Variants in PLXNA4 observed in about 807,000 individuals in gnomAD.
PLXNA4 encodes plexin-A4.
Under a neutral mutation model 191.8 loss-of-function variants are expected in PLXNA4, and 44 were observed. The ratio of observed to expected loss-of-function variants is 0.23; its 90% confidence interval spans 0.18 to 0.29. The LOEUF is 0.29. Ranked by LOEUF, PLXNA4 falls within the 10% of genes least tolerant of loss-of-function variation. The pLI is 1.00. For synonymous variants in PLXNA4, 1,082 were observed against 1,009.5 expected (o/e 1.07, Z -1.36); for missense variants, 1,800 against 2,488.8 (o/e 0.72, Z 5.89).
chr7:132,565,066 A>T (rs1801656607), intron 1 of PLXNA4, among the ~76,000 whole-genome samples: 1 of 152,182 alleles, frequency 6.6e-6, no homozygotes, highest in African/African-American at 2.4e-5. Flanking sequence ...GCAAGGTGTG[A>T]TGTGAGGCCT....
chr7:132,588,059 T>G (rs1358198832), intron 2 of PLXNA4, among the ~76,000 whole-genome samples: 1 of 151,886 alleles, frequency 6.6e-6, no homozygotes, highest in Non-Finnish European at 1.5e-5. Context: ...CTCTTCCTAC[T>G]CCCTTAACCC....
chr7:132,423,736 A>T (rs148360399), intron 3 of PLXNA4, among the ~76,000 whole-genome samples: 1,556 of 152,296 alleles, frequency 0.01, 22 homozygotes, highest in African/African-American at 0.036. Flanking sequence ...AAATGATCCG[A>T]TAACAACAGA....
chr7:132,587,834 T>C (rs1284242173), intron 2 of PLXNA4, among the ~76,000 whole-genome samples: 1 of 151,894 alleles, frequency 6.6e-6, no homozygotes, highest in Non-Finnish European at 1.5e-5. Flanking sequence ...TGCTGGTCCA[T>C]ATGAATTCAT....
intron 8 of PLXNA4, among the ~76,000 whole-genome samples, chr7:132,225,158 A>AT (rs1798274972): frequency 6.6e-6 from 1 of 152,216 alleles, no homozygotes; most frequent in East Asian, 1.9e-4. Context: ...AAGAAAAAAA[A>AT]GGCTGGCCCA....
chr7:132,240,501 G>A (rs1176463916), intron 5 of PLXNA4, among the ~76,000 whole-genome samples: 1 of 152,220 alleles, frequency 6.6e-6, no homozygotes, highest in African/African-American at 2.4e-5. Flanking sequence ...TGCACTCACA[G>A]CCAGCTAATG....
chr7:132,563,323 T>C (rs1163890042), intron 1 of PLXNA4, among the ~76,000 whole-genome samples: 362 of 29,968 alleles, frequency 0.012, no homozygotes, highest in Admixed American at 0.014. Context: ...TCTTCCTCCT[T>C]CTCCTCCTCC....
chr7:132,456,761 C>T (rs929621980), intron 3 of PLXNA4, among the ~76,000 whole-genome samples: 1 of 152,110 alleles, frequency 6.6e-6, no homozygotes, highest in Non-Finnish European at 1.5e-5. Flanking sequence ...AGGCTGAGGG[C>T]AGGGCTCCCT....
At chr7:132,478,003 TA>T (rs1297642044) in intron 3 of PLXNA4, among the ~76,000 whole-genome samples, 1 of 152,214 alleles carries the variant, frequency 6.6e-6, no homozygotes, top group East Asian at 1.9e-4. Context: ...CAAAAAGAGA[TA>T]AAGAAGCCCA....
intron 1 of PLXNA4, among the ~76,000 whole-genome samples, chr7:132,521,178 GA>G (rs1456624869): frequency 7.5e-6 from 1 of 132,896 alleles, no homozygotes; most frequent in African/African-American, 2.8e-5. Context: ...TTTGCTCCTT[GA>G]AAAAAAAAAA....
chr7:132,638,996 C>G (rs1038133748), intron 2 of PLXNA4, among the ~76,000 whole-genome samples: 1 of 152,188 alleles, frequency 6.6e-6, no homozygotes, highest in African/African-American at 2.4e-5. Flanking sequence ...TCCAGCACTT[C>G]CCAGTTCCAG....
Position 132,227,557 on chromosome 7 carries a change from G to A in PLXNA4, c.1776C>T (p.Asn592=), listed in dbSNP as rs758724455. The change falls in exon 7 of 32, where the codon AAC becomes AAT. Residue 592 remains asparagine (N), a synonymous_variant. Coordinates refer to ENST00000321063, the MANE Select transcript of PLXNA4 (RefSeq NM_020911.2). ...YNVPELSAGV[N]CTFEDLSEMD... ...TCTCTGACAGGTCCTCAAAGGTGCA[G>A]TTGACGCCAGCTGACAGCTCCGGGA... is the stretch of plus-strand genomic sequence containing the variant. 8 of 1,614,084 alleles carry A rather than the reference G, an allele frequency of 5.0e-6. No homozygotes were observed. Among genetic ancestry groups the A allele is most frequent in the African/African-American group, 1.3e-5 (1 of 74,932 alleles).
intron 1 of PLXNA4, among the ~76,000 whole-genome samples, chr7:132,567,292 TC>T (rs1172897075): frequency 1.5e-5 from 2 of 134,282 alleles, no homozygotes; most frequent in South Asian, 2.8e-4. Context: ...CAGCTTGGTC[TC>T]CCCCCCACCC....
At chr7:132,441,867 G>A (rs1183749240) in intron 3 of PLXNA4, among the ~76,000 whole-genome samples, 1 of 152,204 alleles carries the variant, frequency 6.6e-6, no homozygotes, top group East Asian at 1.9e-4. Context: ...GGTAGACTCA[G>A]CTTAATGAGG....
chr7:132,265,139 G>A (rs1379125490), intron 4 of PLXNA4, among the ~76,000 whole-genome samples: 2 of 152,170 alleles, frequency 1.3e-5, no homozygotes, highest in Non-Finnish European at 2.9e-5. Flanking sequence ...GAAGAGACCT[G>A]GGTTTGAGTC....
intron 3 of PLXNA4, among the ~76,000 whole-genome samples, chr7:132,428,190 C>T (rs560999055): frequency 5.0e-4 from 76 of 152,228 alleles, no homozygotes; most frequent in African/African-American, 1.6e-3. Context: ...TTCCTAATAG[C>T]GGGGACGTCC....
intron 2 of PLXNA4, among the ~76,000 whole-genome samples, chr7:132,615,139 G>A (rs1008563257): frequency 6.6e-6 from 1 of 152,010 alleles, no homozygotes; most frequent in Non-Finnish European, 1.5e-5. Flanking sequence ...CCTACCTAGG[G>A]ACCCGGCACA....
chr7:132,595,002 TAGATAGATAGATAGATAGACAGAC>T (rs138699705), intron 2 of PLXNA4, among the ~76,000 whole-genome samples: 88,830 of 141,492 alleles, frequency 0.63, 28,488 homozygotes, highest in South Asian at 0.74. Flanking sequence ...GATAGATAGA[TAGATAGATAGATAGATAGACAGAC>T]AGACAGACAG....
intron 25 of PLXNA4, among the ~76,000 whole-genome samples, chr7:132,154,806 G>A (rs147284267): frequency 5.3e-5 from 8 of 152,176 alleles, no homozygotes; most frequent in African/African-American, 1.4e-4. Context: ...GACCTCTCTC[G>A]CAGCAGCTCT....
intron 1 of PLXNA4, among the ~76,000 whole-genome samples, chr7:132,520,563 A>C (rs1799135341): frequency 6.6e-6 from 1 of 152,230 alleles, no homozygotes; most frequent in African/African-American, 2.4e-5. Context: ...CAAGTAAGAA[A>C]AAGAAATGGA....
Sources: gnomAD v4.1 joint callset for allele counts (sites outside exome capture counted in the v4.1 genomes callset) on GRCh38, gnomAD v4.1.1 for gene constraint, MANE v1.5 for transcripts, NCBI Gene and HGNC (gene_info 2026-07-23, HGNC 2026-07-21) for gene names.